PPP2R5C: variants seen among roughly 807,000 people sequenced by gnomAD.
PPP2R5C encodes the protein protein phosphatase 2 regulatory subunit B'gamma, also known as serine/threonine-protein phosphatase 2A 56 kDa regulatory subunit gamma isoform.
A neutral mutation model predicts 68.9 loss-of-function variants in PPP2R5C; 7 were observed. The ratio of observed to expected loss-of-function variants is 0.10; its 90% CI spans 0.06 to 0.19. PPP2R5C has a LOEUF of 0.19. PPP2R5C is among the 10% of genes least tolerant of loss of function. PPP2R5C has a pLI of 1.00. For missense variants in PPP2R5C, 348 were observed against 641.3 expected, an observed-to-expected ratio of 0.54 and a Z score of 4.94; for synonymous variants, 210 against 222.2, an observed-to-expected ratio of 0.95 and a Z score of 0.49.
At chr14:101,805,436 A>G (rs1177197455), upstream of PPP2R5C, among the ~76,000 whole-genome samples, 2 of 152,266 alleles carry the variant, frequency 1.3e-5, no homozygotes, top group Non-Finnish European at 1.5e-5. Flanking sequence ...CAGTTCTTCC[A>G]AATATTACAC....
intron 1 of PPP2R5C, among the ~76,000 whole-genome samples, chr14:101,846,996 GT>G (rs1457808539): frequency 6.6e-6 from 1 of 152,192 alleles, no homozygotes; most frequent in Non-Finnish European, 1.5e-5. Flanking sequence ...GAAGACCTGA[GT>G]TTTATCTTAA....
chr14:101,808,700 G>T (rs79413212), upstream of PPP2R5C, among the ~76,000 whole-genome samples: 167 of 152,282 alleles, frequency 1.1e-3, no homozygotes, highest in Non-Finnish European at 2.1e-3. Context: ...CTTCACAAGT[G>T]GGGGGAAGAG....
intron 5 of PPP2R5C, 25 bp from the exon 8 acceptor site, chr14:101,890,209 ATTC>A: frequency 6.3e-7 from 1 of 1,594,476 alleles, no homozygotes; most frequent in Non-Finnish European, 8.6e-7. Context: ...TCAGTGTCTA[ATTC>A]TAATGGGAAA....
At chr14:101,806,818 CAGT>C (rs2039097078), upstream of PPP2R5C, among the ~76,000 whole-genome samples, 5 of 152,108 alleles carry the variant, frequency 3.3e-5, no homozygotes, top group South Asian at 1.0e-3. Flanking sequence ...AAAAAATGAG[CAGT>C]TGTGGTGATT....
chr14:101,925,044 C>A, intron 13 of PPP2R5C, 97 bp from the exon 16 acceptor site: 1 of 1,375,578 alleles, frequency 7.3e-7, no homozygotes, highest in Non-Finnish European at 1.0e-6. Context: ...GTGAGGCACA[C>A]GTGCCTCGCG....
chr14:101,838,586 T>C (rs4359371), intron 1 of PPP2R5C, among the ~76,000 whole-genome samples: 34,405 of 152,204 alleles, frequency 0.23, 4,435 homozygotes, highest in African/African-American at 0.36. Context: ...CTGGCCTCAC[T>C]TCTTGTCCCC....
chr14:101,828,294 A>G (rs2040523241), intron 1 of PPP2R5C, among the ~76,000 whole-genome samples: 1 of 152,214 alleles, frequency 6.6e-6, no homozygotes, highest in Non-Finnish European at 1.5e-5. Flanking sequence ...TTCTAGGATC[A>G]TGAAAAAGGT....
At chr14:101,829,196 A>T (rs1042853453) in intron 1 of PPP2R5C, among the ~76,000 whole-genome samples, 1 of 152,138 alleles carries the variant, frequency 6.6e-6, no homozygotes, top group Non-Finnish European at 1.5e-5. Flanking sequence ...AAATAGGAGC[A>T]TGGGGCTTGC....
intron 2 of PPP2R5C, among the ~76,000 whole-genome samples, chr14:101,777,603 G>A (rs1196446049): frequency 2.6e-5 from 4 of 152,166 alleles, no homozygotes; most frequent in Admixed American, 6.5e-5. Flanking sequence ...ACCCATCTCG[G>A]CCTCCCAAGG....
chr14:101,872,219 CTTT>C (rs386382344), intron 2 of PPP2R5C, among the ~76,000 whole-genome samples: 1 of 91,196 alleles, frequency 1.1e-5, no homozygotes, highest in Non-Finnish European at 2.0e-5. Flanking sequence ...TTTCTTTTGC[CTTT>C]TTTTTTTTTT....
At chr14:101,902,440 T>C (rs2045743273) in intron 9 of PPP2R5C, among the ~76,000 whole-genome samples, 1 of 152,208 alleles carries the variant, frequency 6.6e-6, no homozygotes. Flanking sequence ...CATCACCTCT[T>C]TTGAAGGCCA....
chr14:101,883,612 C>A (rs774761481), intron 5 of PPP2R5C, 50 bp downstream of exon 7: 1 of 1,592,334 alleles, frequency 6.3e-7, no homozygotes, highest in South Asian at 1.1e-5. Context: ...ATGCTCATTT[C>A]CCCCCTCGAT....
chr14:101,855,173 A>C (rs1014967081), intron 1 of PPP2R5C, among the ~76,000 whole-genome samples: 15 of 152,240 alleles, frequency 9.9e-5, no homozygotes, highest in African/African-American at 2.9e-4. Context: ...CTGTCTCTAA[A>C]AGAAAGAAAG....
At chr14:101,761,415 C>G (rs1595090157), upstream of PPP2R5C, among the ~76,000 whole-genome samples, 5 of 151,924 alleles carry the variant, frequency 3.3e-5, no homozygotes, top group Admixed American at 1.3e-4. Context: ...CAGCCCCGCG[C>G]CAGGAGGCCG....
intron 1 of PPP2R5C, among the ~76,000 whole-genome samples, chr14:101,822,421 G>A (rs939779899): frequency 6.6e-6 from 1 of 152,094 alleles, no homozygotes; most frequent in African/African-American, 2.4e-5. Context: ...TATCCAATGG[G>A]TAGGGTTTTT....
At position 101,763,852 on chromosome 14, in the gene PPP2R5C, C is replaced by G. The variant is rs184885884; in HGVS notation, c.93+882C>G. ...GGCAACTCAGTGGTTAGTTCTTTTT[C>G]TTCCATCACCTTGTTTTCCTTCAAA... On this transcript the variant is annotated intron_variant, in intron 2 of 14. Coordinates refer to the PPP2R5C transcript ENST00000328724. Among the ~76,000 whole-genome samples the G allele has an allele frequency of 3.3e-4, 51 of 152,346 alleles. 1 individual carries two copies. In the East Asian group the frequency reaches 7.5e-3, roughly 22 times the overall value.
exon 14 of PPP2R5C, chr14:101,927,926 ACT>A (rs2047339819): frequency 2.0e-5 from 3 of 152,326 alleles, no homozygotes; most frequent in Admixed American, 1.3e-4. Flanking sequence ...ATTTTCAAAA[ACT>A]CTAAAAAACG....
At chr14:101,900,986 G>A (rs768091711) in intron 8 of PPP2R5C, among the ~76,000 whole-genome samples, 1 of 152,232 alleles carries the variant, frequency 6.6e-6, no homozygotes, top group Non-Finnish European at 1.5e-5. Context: ...TCCCATCGCA[G>A]TACCTGTGGA....
upstream of PPP2R5C, among the ~76,000 whole-genome samples, chr14:101,807,949 C>T (rs1001257825): frequency 6.7e-6 from 1 of 148,812 alleles, no homozygotes; most frequent in Admixed American, 6.8e-5. Flanking sequence ...CATCTTATCT[C>T]GTATGAAATA....
Sources: gnomAD v4.1 joint callset for allele counts (sites outside exome capture counted in the v4.1 genomes callset) on GRCh38, gnomAD v4.1.1 for gene constraint, MANE v1.5 for transcripts, NCBI Gene and HGNC (gene_info 2026-07-23, HGNC 2026-07-21) for gene names.